Variants in EYA1 observed in about 807,000 individuals in gnomAD.
EYA1 encodes the protein EYA transcriptional coactivator and phosphatase 1.
EYA1 carries 16 observed loss-of-function variants against 82.0 expected under a neutral mutation model. That is an observed-to-expected ratio of 0.20 (90% CI 0.13 to 0.30). EYA1 has a LOEUF of 0.30. Among genes scored for constraint, EYA1 ranks in the 10% least tolerant of loss-of-function variants. The pLI, the probability that EYA1 is intolerant of heterozygous loss-of-function variation, is 1.00. For missense variants in EYA1, 633 were observed against 730.7 expected, an observed-to-expected ratio of 0.87 and a Z score of 1.54; for synonymous variants, 261 against 264.4, an observed-to-expected ratio of 0.99 and a Z score of 0.12.
intron 2 of EYA1, among the ~76,000 whole-genome samples, chr8:71,465,536 T>G (rs1221643323): frequency 6.6e-6 from 1 of 152,056 alleles, no homozygotes; most frequent in African/African-American, 2.4e-5. Flanking sequence ...GGCAGAAGAA[T>G]CTCTTGAACC....
At chr8:71,344,675 C>A (rs555759539) in intron 3 of EYA1, among the ~76,000 whole-genome samples, 1 of 152,264 alleles carries the variant, frequency 6.6e-6, no homozygotes, top group Admixed American at 6.5e-5. Flanking sequence ...TAGATCTGGA[C>A]AATCAGTGAA....
intron 12 of EYA1, among the ~76,000 whole-genome samples, chr8:71,232,176 G>A (rs1347545081): frequency 2.6e-5 from 4 of 152,180 alleles, no homozygotes; most frequent in African/African-American, 9.7e-5. Context: ...CAGATAATAA[G>A]ATTGAATTCA....
intron 2 of EYA1, among the ~76,000 whole-genome samples, chr8:71,406,852 C>G (rs10107377): frequency 1.7e-4 from 24 of 143,704 alleles, no homozygotes; most frequent in African/African-American, 6.1e-4. Context: ...CCGGGAAGCT[C>G]GAACTGGGTG....
intron 2 of EYA1, among the ~76,000 whole-genome samples, chr8:71,476,783 T>C (rs1160124608): frequency 1.3e-5 from 2 of 151,958 alleles, no homozygotes; most frequent in African/African-American, 2.4e-5. Flanking sequence ...TCTTGAAAAA[T>C]AAGAACAAAG....
At chr8:71,411,924 G>A (rs1240720145) in intron 2 of EYA1, among the ~76,000 whole-genome samples, 2 of 150,780 alleles carry the variant, frequency 1.3e-5, no homozygotes, top group African/African-American at 2.4e-5. Context: ...AAAGACACAT[G>A]CACACGTATG....
upstream of EYA1, among the ~76,000 whole-genome samples, chr8:71,366,629 C>G (rs1187592097): frequency 6.6e-6 from 1 of 152,166 alleles, no homozygotes; most frequent in East Asian, 1.9e-4. Context: ...CAATGAATAG[C>G]TCATGGAGGA....
chr8:71,389,143 C>T (rs1279994358), intron 2 of EYA1, among the ~76,000 whole-genome samples: 1 of 151,958 alleles, frequency 6.6e-6, no homozygotes, highest in Non-Finnish European at 1.5e-5. Context: ...TCTGCCATAA[C>T]CCCCAAACTC....
intron 2 of EYA1, among the ~76,000 whole-genome samples, chr8:71,495,485 G>C (rs113930908): frequency 0.077 from 11,649 of 152,090 alleles, 1,502 homozygotes; most frequent in African/African-American, 0.26. Context: ...CTGGTGGCGT[G>C]CCTGTAATCC....
intron 3 of EYA1, among the ~76,000 whole-genome samples, chr8:71,336,889 C>CTT (rs879561262): frequency 6.6e-6 from 1 of 152,188 alleles, no homozygotes; most frequent in East Asian, 1.9e-4. Context: ...GGACCTGATG[C>CTT]TAAAGACTGG....
intron 2 of EYA1, among the ~76,000 whole-genome samples, chr8:71,379,251 C>T (rs1254728245): frequency 2.0e-5 from 3 of 152,124 alleles, no homozygotes; most frequent in African/African-American, 7.2e-5. Context: ...GGACCAGCCA[C>T]ACCTGTACAT....
chr8:71,508,928 T>G (rs73293177), intron 2 of EYA1, among the ~76,000 whole-genome samples: 7 of 152,248 alleles, frequency 4.6e-5, no homozygotes, highest in African/African-American at 1.7e-4. Flanking sequence ...CATAAAAATA[T>G]ATTTTGGTTT....
chr8:71,308,587 C>T (rs1280053121), intron 7 of EYA1, among the ~76,000 whole-genome samples: 4 of 152,082 alleles, frequency 2.6e-5, no homozygotes, highest in African/African-American at 4.8e-5. Flanking sequence ...TCTTCACTAC[C>T]TCTTCGTAGT....
intron 2 of EYA1, among the ~76,000 whole-genome samples, chr8:71,425,858 A>G (rs1298065523): frequency 6.6e-6 from 1 of 152,246 alleles, no homozygotes; most frequent in African/African-American, 2.4e-5. Context: ...GAGAGGAGCC[A>G]CTGCCAACAA....
chr8:71,325,455 T>C (rs1444641331), intron 4 of EYA1, among the ~76,000 whole-genome samples: 1 of 152,180 alleles, frequency 6.6e-6, no homozygotes, highest in Non-Finnish European at 1.5e-5. Flanking sequence ...CTTCTTATTA[T>C]CCTATTTCCT....
chr8:71,238,536 A>T (rs1812112415), intron 12 of EYA1, among the ~76,000 whole-genome samples: 1 of 152,020 alleles, frequency 6.6e-6, no homozygotes, highest in Admixed American at 6.6e-5. Flanking sequence ...ATTCTTCACA[A>T]ATACTTCTTA....
chr8:71,323,114 T>C lies in EYA1; in HGVS notation c.203-846A>G, dbSNP rs1822766474. 2.0e-5 allele frequency among the ~76,000 whole-genome samples: 3 copies of C among 152,174 alleles called. No individual in the cohort carries two copies. In the South Asian group the frequency reaches 6.2e-4, roughly 32 times the overall value. ...CCTGAAAATGGCAGTTTCAGCTTCT[T>C]TCATTGTAAACACAGTGAATCTACA... is the stretch of plus-strand genomic sequence containing the variant. On this transcript the variant is annotated intron_variant, in intron 4 of 17. Transcript: ENST00000340726.
intron 3 of EYA1, among the ~76,000 whole-genome samples, chr8:71,346,126 C>G (rs1825677339): frequency 6.6e-6 from 1 of 152,032 alleles, no homozygotes; most frequent in Non-Finnish European, 1.5e-5. Context: ...ATTCTCCTAC[C>G]TCTTCTTCAG....
intron 2 of EYA1, among the ~76,000 whole-genome samples, chr8:71,509,355 C>T (rs1193409445): frequency 6.6e-6 from 1 of 152,102 alleles, no homozygotes; most frequent in East Asian, 1.9e-4. Flanking sequence ...TATTGCTTTA[C>T]ATAAGGTTAA....
intron 2 of EYA1, among the ~76,000 whole-genome samples, chr8:71,479,805 C>T (rs562219178): frequency 6.6e-6 from 1 of 152,218 alleles, no homozygotes; most frequent in African/African-American, 2.4e-5. Context: ...GAACACCACT[C>T]AACTGTGCTT....
Sources: allele counts gnomAD v4.1 joint callset (sites outside exome capture counted in the v4.1 genomes callset), GRCh38; gene constraint gnomAD v4.1.1; transcripts MANE v1.5; gene names NCBI Gene and HGNC (gene_info 2026-07-23, HGNC 2026-07-21).